The following MAPRE3 variants were observed in gnomAD, a reference collection of about 807,000 sequenced individuals.
MAPRE3 encodes microtubule associated protein RP/EB family member 3.
Under a neutral mutation model 30.5 loss-of-function variants are expected in MAPRE3, and 2 were observed. The observed-to-expected ratio is 0.07, with a 90% CI of 0.03 to 0.21. The LOEUF is 0.21. MAPRE3 is among the 10% of genes least tolerant of loss of function. The probability of loss-of-function intolerance (pLI) is 1.00; values close to 1 mark genes in which losing one functional copy is unlikely to be tolerated. For synonymous variants in MAPRE3, 110 were observed against 127.7 expected, an observed-to-expected ratio of 0.86 and a Z score of 0.93; for missense variants, 204 against 351.8, an observed-to-expected ratio of 0.58 and a Z score of 3.36.
intron 1 of MAPRE3, among the ~76,000 whole-genome samples, chr2:26,971,233 A>G (rs1665910761): frequency 6.6e-6 from 1 of 152,144 alleles, no homozygotes; most frequent in South Asian, 2.1e-4. Context: ...AAAAAGAGTG[A>G]CAGGAGAGCG....
chr2:27,024,087 C>G lies in MAPRE3; in HGVS notation c.268-9C>G. On this transcript the variant is annotated splice_polypyrimidine_tract_variant and intron_variant, in intron 3 of 6. Coordinates refer to ENST00000233121, the MANE Select transcript of MAPRE3 (RefSeq NM_012326.4). ...GGCTAAAGTACTCTGCTTATGTGGT[C>G]TATTTCAGATCATTCCTGTAGAGAA... The G allele has an allele frequency of 6.2e-7, 1 of 1,609,714 alleles. No individual in the cohort carries two copies. The highest frequency in any genetic ancestry group is 1.3e-5 in the African/African-American group (1 of 74,952).
In MAPRE3 at chr2:26,976,252, T is replaced by G. The variant is rs976887888; in HGVS notation, c.-8+5450T>G. ...TACTGGTAAACTCTGATAAAATCCT[T>G]AAGGATTGTTCAGCTTTTAATTTTG... On this transcript the variant is annotated intron_variant, in intron 1 of 6. Transcript: ENST00000233121. 7.4e-4 allele frequency among the ~76,000 whole-genome samples: 113 copies of G among 152,314 alleles called. 1 individual carries two copies. Among genetic ancestry groups the G allele is most frequent in the Non-Finnish European group, 1.5e-4 (10 of 68,036 alleles).
rs1275655341 is a variant in MAPRE3, at chr2:26,986,350, G to T, written c.-8+15548G>T. On this transcript the variant is annotated intron_variant, in intron 1 of 6. Transcript: ENST00000233121. This position sits in a 1 kb window ranked among gnomAD's most constrained non-coding sequence, Gnocchi z 4.2. ...GCCATTTAAGATGACATATTTATAT[G>T]TTCCAGGGATTAGGACACGGACATC... Among the ~76,000 whole-genome samples the T allele has an allele frequency of 6.6e-6, 1 of 152,188 alleles. No homozygotes were observed. The highest frequency in any genetic ancestry group is 1.5e-5 in the Non-Finnish European group (1 of 68,042).
intron 1 of MAPRE3, among the ~76,000 whole-genome samples, chr2:26,972,821 G>C (rs1665940521): frequency 6.6e-6 from 1 of 152,180 alleles, no homozygotes; most frequent in Non-Finnish European, 1.5e-5. Flanking sequence ...GATCAGAGTA[G>C]TTTTTATATG....
chr2:27,025,832 A>G lies in MAPRE3; in HGVS notation c.625-48A>G, dbSNP rs72852965. 10,237 of 1,613,694 alleles carry G rather than the reference A, an allele frequency of 6.3e-3. 543 individuals carry two copies. The African/African-American group carries it at 0.12, about 19-fold the overall frequency. The stretch of plus-strand genomic sequence containing the variant: ...GGACGAGAGGAGGGCAGGCAGGGGA[A>G]CCTGAGGTGGGGACCTCTGGCTTGA... On this transcript the variant is annotated intron_variant, in intron 5 of 6. Coordinates refer to ENST00000233121, the MANE Select transcript of MAPRE3 (RefSeq NM_012326.4).
At chr2:26,979,986 AGAG>A (rs1306899253) in intron 1 of MAPRE3, among the ~76,000 whole-genome samples, 1 of 152,166 alleles carries the variant, frequency 6.6e-6, no homozygotes, top group Non-Finnish European at 1.5e-5. Flanking sequence ...TCAGCAGCAC[AGAG>A]GAGGGCTGGA....
intron 1 of MAPRE3, among the ~76,000 whole-genome samples, chr2:26,994,225 T>G (rs1387180601): frequency 2.0e-5 from 3 of 152,228 alleles, no homozygotes; most frequent in Non-Finnish European, 4.4e-5. Context: ...AAAACTGACT[T>G]ACATTTATTT....
chr2:26,988,697 C>T (rs1282441303), intron 1 of MAPRE3, among the ~76,000 whole-genome samples: 2 of 152,166 alleles, frequency 1.3e-5, no homozygotes, highest in African/African-American at 4.8e-5. Flanking sequence ...GCTGCTGACT[C>T]ACCAGGAAAG....
rs1299146622 is a variant in MAPRE3 at position 27,015,673 on chromosome 2, GA to G, written c.-7-6537del. ...AAATTACCCTTAAGACATATTTGTGGAAGACAGATTTAAAAACAAAAAGCCA... is the reference window on the plus strand; with the variant it reads ...AAATTACCCTTAAGACATATTTGTGGAGACAGATTTAAAAACAAAAAGCCA... On this transcript the variant is annotated intron_variant, in intron 1 of 6. Transcript: ENST00000233121. This position sits in a 1 kb window ranked among gnomAD's most constrained non-coding sequence, Gnocchi z 4.0. Among the ~76,000 whole-genome samples, 7 of 152,150 alleles carry G rather than the reference GA, an allele frequency of 4.6e-5. No homozygotes were observed. Among genetic ancestry groups the G allele is most frequent in the Admixed American group, 3.9e-4 (6 of 15,260 alleles).
At chr2:27,020,798 C>T (rs1168926513) in intron 1 of MAPRE3, among the ~76,000 whole-genome samples, 1 of 152,166 alleles carries the variant, frequency 6.6e-6, no homozygotes, top group Non-Finnish European at 1.5e-5. Context: ...GGTGGCCAGA[C>T]CTGCTTTTAG....
intron 1 of MAPRE3, among the ~76,000 whole-genome samples, chr2:26,973,204 G>A (rs937557154): frequency 9.9e-5 from 15 of 152,228 alleles, no homozygotes; most frequent in African/African-American, 3.6e-4. Context: ...GGAGGGATTT[G>A]TGAATCTTGG....
Position 26,973,344 on chromosome 2 carries a change from G to A in MAPRE3, c.-8+2542G>A, listed in dbSNP as rs575240446. Among the ~76,000 whole-genome samples the A allele has an allele frequency of 3.9e-5, 6 of 152,234 alleles. No homozygotes were observed. In the East Asian group the frequency reaches 1.2e-3, roughly 29 times the overall value. The stretch of plus-strand genomic sequence containing the variant: ...TCCTGCACGCCAGCACACATTGTGG[G>A]GTTGTATTTGTAAGATGACTGGCTG... On this transcript the variant is annotated intron_variant, in intron 1 of 6. Transcript: ENST00000233121.
At chr2:27,019,593 A>G (rs2148226185) in intron 1 of MAPRE3, among the ~76,000 whole-genome samples, 1 of 152,304 alleles carries the variant, frequency 6.6e-6, no homozygotes, top group Middle Eastern at 3.4e-3. Context: ...GGGCGCAGAG[A>G]CGTTGTGGAG....
intron 1 of MAPRE3, among the ~76,000 whole-genome samples, chr2:26,976,492 C>T (rs777732126): frequency 6.6e-6 from 1 of 152,134 alleles, no homozygotes; most frequent in African/African-American, 2.4e-5. Context: ...GCTGTGGCCA[C>T]GGATGGTTTT....
chr2:26,995,498 A>G (rs982938882), intron 1 of MAPRE3: 4 of 152,228 alleles, frequency 2.6e-5, no homozygotes, highest in Admixed American at 6.5e-5. Flanking sequence ...GGATGTGTCA[A>G]CAAGACTCAA....
rs978803021 is a variant in MAPRE3 at position 27,005,271 on chromosome 2, G to C, written c.-7-16941G>C. 3.3e-5 allele frequency among the ~76,000 whole-genome samples: 5 copies of C among 152,206 alleles called. No homozygotes were observed. The East Asian group carries it at 9.6e-4, about 29-fold the overall frequency. ...AGCAACTAAAGCTAATGTAAGGATAGCATGGAATATTATGCCCCATGGAAG... is the reference window on the plus strand; with the variant it reads ...AGCAACTAAAGCTAATGTAAGGATACCATGGAATATTATGCCCCATGGAAG... On this transcript the variant is annotated intron_variant, in intron 1 of 6. Transcript: ENST00000233121.
At chr2:27,016,985 G>C (rs1050178519) in intron 1 of MAPRE3, among the ~76,000 whole-genome samples, 2 of 152,080 alleles carry the variant, frequency 1.3e-5, no homozygotes, top group African/African-American at 2.4e-5. Context: ...GCTCTGGAAA[G>C]GGGGTTTGGG....
At chr2:26,991,390 G>T (rs1020099346) in intron 1 of MAPRE3, among the ~76,000 whole-genome samples, 2 of 152,232 alleles carry the variant, frequency 1.3e-5, no homozygotes, top group Non-Finnish European at 1.5e-5. Context: ...CAGGAAGGAA[G>T]TGATAGTGGT....
rs781715524 is a variant in MAPRE3, at chr2:27,025,571, T to C, written c.470-12T>C. Reference sequence around the variant, plus strand: ...CTCACGTGGACTTACCTGACTCTTTTCCTCTGGGCAGTTCCACAGAGGACG... The same window carrying C: ...CTCACGTGGACTTACCTGACTCTTTCCCTCTGGGCAGTTCCACAGAGGACG... On this transcript the variant is annotated splice_polypyrimidine_tract_variant and intron_variant, in intron 4 of 6. Transcript: ENST00000233121. The C allele has an allele frequency of 7.7e-6, 12 of 1,552,090 alleles. No individual in the cohort carries two copies. The East Asian group carries it at 2.0e-4, about 26-fold the overall frequency.
Sources: gnomAD v4.1 joint callset for allele counts (sites outside exome capture counted in the v4.1 genomes callset) on GRCh38, gnomAD v4.1.1 for gene constraint, Gnocchi (gnomAD v3.1) non-coding constraint, MANE v1.5 for transcripts, NCBI Gene and HGNC (gene_info 2026-07-23, HGNC 2026-07-21) for gene names.